Variants in ERC2 observed in about 807,000 individuals in gnomAD.
The protein encoded by ERC2 is ERC protein 2.
Under a neutral mutation model 114.8 loss-of-function variants are expected in ERC2, and 42 were observed. That is an observed-to-expected ratio of 0.37 (90% CI 0.29 to 0.47). The LOEUF is 0.47. ERC2 is among the 20% of genes least tolerant of loss of function. The pLI is 0.99. For missense variants in ERC2, 939 were observed against 1,150.7 expected (o/e 0.82, Z 2.66); for synonymous variants, 454 against 425.5 (o/e 1.07, Z -0.82).
chr3:56,426,023 C>A (rs886219942), intron 2 of ERC2, among the ~76,000 whole-genome samples: 1 of 152,170 alleles, frequency 6.6e-6, no homozygotes, highest in African/African-American at 2.4e-5. Context: ...ATCACATCAA[C>A]CGTCAAGACA....
chr3:55,877,867 G>C (rs1023280086), intron 14 of ERC2, among the ~76,000 whole-genome samples: 3 of 152,056 alleles, frequency 2.0e-5, no homozygotes, highest in Non-Finnish European at 2.9e-5. Context: ...GTGTGATGTG[G>C]CTGCCCTGTC....
intron 17 of ERC2, among the ~76,000 whole-genome samples, chr3:55,654,954 C>T (rs904313374): frequency 6.6e-5 from 10 of 152,222 alleles, no homozygotes; most frequent in Non-Finnish European, 1.5e-4. Context: ...CCTCTAACTG[C>T]CCATTCTTGC....
rs576222592 is a variant in ERC2, at chr3:56,210,113, C to T, written c.1075-36593G>A. 2.0e-4 allele frequency among the ~76,000 whole-genome samples: 31 copies of T among 152,300 alleles called. No homozygotes were observed. The East Asian group carries it at 4.6e-3, about 23-fold the overall frequency. Reference sequence around the variant, plus strand: ...AAAACTCCTGATCTCATTTCTTCCTCCTAACTGACAATAGTTCTCTTTTGT... The same window carrying T: ...AAAACTCCTGATCTCATTTCTTCCTTCTAACTGACAATAGTTCTCTTTTGT... On this transcript the variant is annotated intron_variant, in intron 3 of 17. Coordinates refer to ENST00000288221, the MANE Select transcript of ERC2 (RefSeq NM_015576.3).
chr3:56,415,889 T>A (rs1265208934), intron 2 of ERC2, among the ~76,000 whole-genome samples: 1 of 152,178 alleles, frequency 6.6e-6, no homozygotes, highest in East Asian at 1.9e-4. Flanking sequence ...TTCAACTACA[T>A]CTGCCTCACC....
intron 1 of ERC2, among the ~76,000 whole-genome samples, chr3:56,466,546 G>A (rs933317411): frequency 3.9e-5 from 6 of 152,092 alleles, no homozygotes; most frequent in Non-Finnish European, 7.4e-5. Context: ...CAGACAAGAT[G>A]GCTTACATGA....
chr3:56,202,462 C>A (rs1337976776), intron 3 of ERC2, among the ~76,000 whole-genome samples: 6 of 149,328 alleles, frequency 4.0e-5, no homozygotes, highest in Non-Finnish European at 1.5e-5. Context: ...AGAGAGTTTG[C>A]AAACATAATA....
intron 16 of ERC2, among the ~76,000 whole-genome samples, chr3:55,688,941 C>G (rs1308146427): frequency 6.6e-6 from 1 of 152,202 alleles, no homozygotes; most frequent in Non-Finnish European, 1.5e-5. Context: ...CTCTTCCCCT[C>G]TTCTATCGCA....
chr3:55,898,300 G>A (rs954200169), intron 13 of ERC2, among the ~76,000 whole-genome samples: 1 of 152,182 alleles, frequency 6.6e-6, no homozygotes, highest in East Asian at 1.9e-4. Flanking sequence ...GGTATATCTC[G>A]AGCAGCTGGG....
intron 17 of ERC2, among the ~76,000 whole-genome samples, chr3:55,580,477 G>A (rs1398853408): frequency 6.6e-6 from 1 of 152,150 alleles, no homozygotes; most frequent in East Asian, 1.9e-4. Flanking sequence ...TGGATCAGGG[G>A]TCCTCAAGTT....
intron 17 of ERC2, among the ~76,000 whole-genome samples, chr3:55,608,171 T>C (rs1392062525): frequency 1.3e-5 from 2 of 152,138 alleles, no homozygotes; most frequent in African/African-American, 2.4e-5. Flanking sequence ...GCTTTCTGTT[T>C]TAATATTATC....
At chr3:55,794,707 T>G (rs2070338113) in intron 14 of ERC2, among the ~76,000 whole-genome samples, 1 of 152,200 alleles carries the variant, frequency 6.6e-6, no homozygotes, top group African/African-American at 2.4e-5. Flanking sequence ...CCAGACAAGC[T>G]TTCTTCTGCT....
At chr3:55,532,497 T>G (rs2053732874) in intron 17 of ERC2, among the ~76,000 whole-genome samples, 1 of 152,220 alleles carries the variant, frequency 6.6e-6, no homozygotes, top group African/African-American at 2.4e-5. Context: ...TATGTAATAA[T>G]GATGACGATA....
intron 6 of ERC2, among the ~76,000 whole-genome samples, chr3:56,124,613 T>G (rs931436483): frequency 6.6e-6 from 1 of 152,166 alleles, no homozygotes; most frequent in Non-Finnish European, 1.5e-5. Flanking sequence ...GGAAGAAATA[T>G]AAGACAAGAA....
rs562825238 is a variant in ERC2 at position 55,622,544 on chromosome 3, C to G, written c.*39+61250G>C. Among the ~76,000 whole-genome samples the G allele has an allele frequency of 6.6e-5, 10 of 152,148 alleles. No homozygotes were observed. In the South Asian group the frequency reaches 2.1e-3, roughly 32 times the overall value. On this transcript the variant is annotated intron_variant, in intron 17 of 17. Transcript: ENST00000288221. ...TGAAATTCTGCAGTATGGGCAAATG[C>G]AAGCTACCAGCAATTTCTTCAAATT... is the stretch of plus-strand genomic sequence containing the variant.
At chr3:56,189,545 T>A (rs1198582927) in intron 3 of ERC2, among the ~76,000 whole-genome samples, 1 of 152,188 alleles carries the variant, frequency 6.6e-6, no homozygotes, top group African/African-American at 2.4e-5. Context: ...AACTAAGATG[T>A]TCCTGAATCA....
At chr3:55,705,137 G>T (rs191741703) in intron 15 of ERC2, among the ~76,000 whole-genome samples, 1 of 152,118 alleles carries the variant, frequency 6.6e-6, no homozygotes, top group Admixed American at 6.5e-5. Flanking sequence ...CTATAAAACC[G>T]TATAAGAAGA....
At chr3:55,791,756 C>A (rs929223212) in intron 14 of ERC2, among the ~76,000 whole-genome samples, 3 of 152,098 alleles carry the variant, frequency 2.0e-5, no homozygotes, top group Non-Finnish European at 2.9e-5. Context: ...CTTTTGACAT[C>A]TTTTTAATTT....
At chr3:56,077,951 A>G (rs2077051873) in intron 7 of ERC2, among the ~76,000 whole-genome samples, 1 of 151,998 alleles carries the variant, frequency 6.6e-6, no homozygotes, top group South Asian at 2.1e-4. Context: ...CAGAGTAGTC[A>G]GCATACAGTG....
At chr3:56,201,034 C>T (rs1350855297) in intron 3 of ERC2, among the ~76,000 whole-genome samples, 1 of 152,174 alleles carries the variant, frequency 6.6e-6, no homozygotes, top group Non-Finnish European at 1.5e-5. Flanking sequence ...TGCTCAGCAA[C>T]CCCCAGTTTG....
Sources: gnomAD v4.1 joint callset for allele counts (sites outside exome capture counted in the v4.1 genomes callset) on GRCh38, gnomAD v4.1.1 for gene constraint, MANE v1.5 for transcripts, NCBI Gene and HGNC (gene_info 2026-07-23, HGNC 2026-07-21) for gene names.